PRRG2: variants seen among roughly 807,000 people sequenced by gnomAD.
PRRG2 encodes the protein transmembrane gamma-carboxyglutamic acid protein 2.
In PRRG2, 23 loss-of-function variants were observed where a neutral mutation model predicts 27.1. The ratio of observed to expected loss-of-function variants is 0.85; its 90% confidence interval spans 0.61 to 1.20. The LOEUF (loss-of-function observed/expected upper bound fraction) is 1.20. Ranked by LOEUF, PRRG2 falls within the 50% of genes most tolerant of loss-of-function variation. PRRG2 has a pLI of 0.00. For missense variants in PRRG2, 276 were observed against 254.8 expected, an observed-to-expected ratio of 1.08 and a Z score of -0.57; for synonymous variants, 104 against 103.4, an observed-to-expected ratio of 1.01 and a Z score of -0.03.
At chr19:49,584,007 A>C in intron 4 of PRRG2, 55 bp downstream of exon 4, 1 of 1,537,962 alleles carries the variant, frequency 6.5e-7, no homozygotes, top group Non-Finnish European at 8.8e-7. Context: ...GTCCCTTCCC[A>C]GCGAGGCCAA....
At chr19:49,587,319 A>T (rs2080678092) in intron 4 of PRRG2, among the ~76,000 whole-genome samples, 1 of 142,374 alleles carries the variant, frequency 7.0e-6, no homozygotes, top group Non-Finnish European at 1.5e-5. Flanking sequence ...AGTACATGTG[A>T]CATCCTTTTT....
intron 4 of PRRG2, among the ~76,000 whole-genome samples, chr19:49,585,241 T>A (rs1448950625): frequency 6.6e-6 from 1 of 152,182 alleles, no homozygotes; most frequent in East Asian, 1.9e-4. Flanking sequence ...CAAGGCCTTC[T>A]GCCCACTGGA....
Position 49,583,642 on chromosome 19 carries a change from C to G in PRRG2, c.186C>G (p.Asn62Lys). The G allele has an allele frequency of 6.2e-7, 1 of 1,614,198 alleles. No homozygotes were observed. The highest frequency in any genetic ancestry group is 8.5e-7 in the Non-Finnish European group (1 of 1,180,034). Reference protein sequence around the residue: ...HWDLELLTPGNLERECLEERC... With the variant: ...HWDLELLTPGKLERECLEERC... ...ACCTGGAGCTGCTCACACCAGGGAACCTGGAACGGGAGTGTCTGGAAGAGA... is the reference window on the plus strand; with the variant it reads ...ACCTGGAGCTGCTCACACCAGGGAAGCTGGAACGGGAGTGTCTGGAAGAGA... The change falls in exon 3 of 7, where the codon AAC becomes AAG. Residue 62 changes from asparagine to lysine, a missense_variant. Coordinates refer to ENST00000246794, the MANE Select transcript of PRRG2 (RefSeq NM_000951.3).
intron 4 of PRRG2, among the ~76,000 whole-genome samples, 191 bp downstream of exon 4, chr19:49,584,143 C>T (rs1035079550): frequency 4.6e-5 from 7 of 151,890 alleles, no homozygotes; most frequent in East Asian, 1.9e-4. Context: ...GCCCCCCACA[C>T]CTTATTTTAT....
chr19:49,584,191 G>A (rs1379833547), intron 4 of PRRG2, among the ~76,000 whole-genome samples: 4 of 143,890 alleles, frequency 2.8e-5, no homozygotes, highest in Non-Finnish European at 6.0e-5. Context: ...TTTTTTTTGA[G>A]ACAGAGTCTC....
At chr19:49,586,387 A>ATTT (rs34299965) in intron 4 of PRRG2, among the ~76,000 whole-genome samples, 1 of 137,712 alleles carries the variant, frequency 7.3e-6, no homozygotes, top group Non-Finnish European at 1.6e-5. Flanking sequence ...AAGCCCGGCC[A>ATTT]TTTTTTTTTT....
intron 6 of PRRG2, 149 bp downstream of exon 6, chr19:49,590,201 C>A: frequency 1.4e-6 from 2 of 1,416,086 alleles, no homozygotes; most frequent in Non-Finnish European, 1.9e-6. Flanking sequence ...ATGCAATGGT[C>A]TAGGGGCGTG....
At chr19:49,585,795 A>G (rs1256696017) in intron 4 of PRRG2, among the ~76,000 whole-genome samples, 1 of 149,770 alleles carries the variant, frequency 6.7e-6, no homozygotes, top group Non-Finnish European at 1.5e-5. Flanking sequence ...AAAACAAACA[A>G]ATGGCTGGGC....
Position 49,590,358 on chromosome 19 carries a change from T to G in PRRG2, c.591-13T>G. 6.2e-7 allele frequency: 1 copy of G among 1,614,160 alleles called. No individual in the cohort carries two copies. Among genetic ancestry groups the G allele is most frequent in the Non-Finnish European group, 8.5e-7 (1 of 1,180,002 alleles). On this transcript the variant is annotated splice_polypyrimidine_tract_variant and intron_variant, in intron 6 of 6. Coordinates refer to ENST00000246794, the MANE Select transcript of PRRG2 (RefSeq NM_000951.3). Reference sequence around the variant, plus strand: ...CAGATCTTTGACTCCCTAGTGTGCCTTTCCTCTTGCAGCCTCAGGAGGCCT... The same window carrying G: ...CAGATCTTTGACTCCCTAGTGTGCCGTTCCTCTTGCAGCCTCAGGAGGCCT...
chr19:49,583,788 A>G (rs2080647608), intron 3 of PRRG2, 71 bp downstream of exon 3: 2 of 1,610,634 alleles, frequency 1.2e-6, no homozygotes, highest in African/African-American at 2.7e-5. Context: ...TTGCAGGGGT[A>G]GGTTCTGGCC....
In PRRG2 at chr19:49,589,892, G is replaced by A; in HGVS notation, c.438-8G>A. ...TGCCTCTGCTAACTGTACCTTTGCT[G>A]TCCCCAGGGCCGGGCTCATTAGCCC... On this transcript the variant is annotated splice_region_variant and splice_polypyrimidine_tract_variant and intron_variant, in intron 5 of 6. Transcript: ENST00000246794. 1 of 1,613,142 alleles carries A rather than the reference G, an allele frequency of 6.2e-7. No individual in the cohort carries two copies.
chr19:49,582,356 A>G (rs1407656262), intron 1 of PRRG2, among the ~76,000 whole-genome samples: 1 of 151,234 alleles, frequency 6.6e-6, no homozygotes, highest in Non-Finnish European at 1.5e-5. Flanking sequence ...GCTCACTGCA[A>G]CCTCTGTCTC....
chr19:49,584,467 G>C (rs182268621), intron 4 of PRRG2, among the ~76,000 whole-genome samples: 1 of 151,980 alleles, frequency 6.6e-6, no homozygotes, highest in Admixed American at 6.6e-5. Flanking sequence ...ACCGCGCCAG[G>C]CCTTTAATTA....
intron 1 of PRRG2, among the ~76,000 whole-genome samples, chr19:49,581,775 G>T (rs2080625640): frequency 6.6e-6 from 1 of 152,184 alleles, no homozygotes; most frequent in Non-Finnish European, 1.5e-5. Flanking sequence ...TGTGTCAGGT[G>T]CTGTAGACAC....
chr19:49,581,823 T>C (rs2080626071), intron 1 of PRRG2, among the ~76,000 whole-genome samples: 1 of 152,194 alleles, frequency 6.6e-6, no homozygotes, highest in Non-Finnish European at 1.5e-5. Context: ...CTCCTTGCTT[T>C]CTTCTCTGGC....
intron 4 of PRRG2, among the ~76,000 whole-genome samples, chr19:49,585,101 C>A (rs936163135): frequency 3.9e-5 from 6 of 152,146 alleles, no homozygotes; most frequent in Admixed American, 2.6e-4. Context: ...CCTGGCCAGG[C>A]CAGACCAGAC....
chr19:49,590,074 C>A (rs1043508956), intron 6 of PRRG2, 22 bp downstream of exon 6: 9 of 1,466,662 alleles, frequency 6.1e-6, no homozygotes, highest in African/African-American at 5.7e-5. Context: ...GGCTTCTGCC[C>A]GGGGGCGGGG....
Position 49,589,953 on chromosome 19 carries a change from C to T in PRRG2, c.491C>T (p.Pro164Leu). The T allele has an allele frequency of 6.2e-7, 1 of 1,606,172 alleles. No individual in the cohort carries two copies. Residue 164 changes from proline to leucine, a missense_variant, in exon 6 of 7, where the codon CCC (proline) becomes CTC (leucine). Physicochemically the swap from Pro to Leu is moderately conservative, Grantham distance 98. Coordinates refer to ENST00000246794, the MANE Select transcript of PRRG2 (RefSeq NM_000951.3). ...TTGAACCCTCTGGGCCCACCGACGC[C>T]CCTGCCTCCACCCCCACCCCCACCC... ...SPLNPLGPPT[P>L]LPPPPPPPPG...
At chr19:49,589,550 C>T in intron 5 of PRRG2, among the ~76,000 whole-genome samples, 1 of 151,604 alleles carries the variant, frequency 6.6e-6, no homozygotes, top group Non-Finnish European at 1.5e-5. Context: ...CCTCCCACCT[C>T]AGCCTCCTGA....
Sources: allele counts gnomAD v4.1 joint callset (sites outside exome capture counted in the v4.1 genomes callset), GRCh38; gene constraint gnomAD v4.1.1; transcripts MANE v1.5; gene names NCBI Gene and HGNC (gene_info 2026-07-23, HGNC 2026-07-21).